Variants in PCDHA3 observed in about 807,000 individuals in gnomAD.
PCDHA3 encodes the protein protocadherin alpha-3.
A neutral mutation model predicts 62.2 loss-of-function variants in PCDHA3; 41 were observed. The observed-to-expected ratio is 0.66, with a 90% CI of 0.51 to 0.86. The LOEUF is 0.86. PCDHA3 is among the 40% of genes least tolerant of loss of function. The pLI, the probability that PCDHA3 is intolerant of heterozygous loss-of-function variation, is 0.00. For synonymous variants in PCDHA3, 640 were observed against 555.4 expected (o/e 1.15, Z -2.14); for missense variants, 1,304 against 1,241.2 (o/e 1.05, Z -0.76).
At chr5:140,805,900 T>C (rs1763649020) in intron 1 of PCDHA3, among the ~76,000 whole-genome samples, 1 of 152,206 alleles carries the variant, frequency 6.6e-6, no homozygotes, top group East Asian at 1.9e-4. Flanking sequence ...AAACATTTTC[T>C]GCAGGGTAAA....
chr5:140,996,262 C>G (rs943119390), intron 3 of PCDHA3, among the ~76,000 whole-genome samples: 1 of 152,182 alleles, frequency 6.6e-6, no homozygotes. Flanking sequence ...CAACACAGAG[C>G]CTGGGATTGC....
At chr5:140,843,577 A>T in intron 1 of PCDHA3, 1 of 1,595,954 alleles carries the variant, frequency 6.3e-7, no homozygotes. Context: ...CATACTCGCA[A>T]CAACAGCCGC....
At chr5:140,973,628 T>G (rs1005772685) in intron 1 of PCDHA3, among the ~76,000 whole-genome samples, 13 of 152,250 alleles carry the variant, frequency 8.5e-5, no homozygotes, top group Admixed American at 2.6e-4. Context: ...TTCTGTATCT[T>G]GTACACATTC....
At chr5:140,870,392 GT>G in intron 1 of PCDHA3, 1 of 1,614,254 alleles carries the variant, frequency 6.2e-7, no homozygotes, top group Middle Eastern at 1.6e-4. Flanking sequence ...CGGGATGGGG[GT>G]TCGCCTTCTC....
At chr5:140,968,947 C>T (rs1342316299) in intron 1 of PCDHA3, 6 of 1,614,042 alleles carry the variant, frequency 3.7e-6, no homozygotes, top group Non-Finnish European at 5.1e-6. Context: ...TCATTTTGAG[C>T]ATCATCAAGT....
intron 1 of PCDHA3, chr5:140,852,195 C>T (rs2150513188): frequency 8.5e-6 from 6 of 709,164 alleles, no homozygotes; most frequent in African/African-American, 1.9e-5. Flanking sequence ...ATGCCAGTAA[C>T]GTTTATTTAA....
chr5:140,928,280 C>A, intron 1 of PCDHA3: 1 of 1,614,194 alleles, frequency 6.2e-7, no homozygotes, highest in Non-Finnish European at 8.5e-7. Context: ...CCTGGGGCCT[C>A]TCTAGGCCGA....
intron 1 of PCDHA3, chr5:140,966,954 G>T (rs782541612): frequency 6.2e-7 from 1 of 1,601,606 alleles, no homozygotes; most frequent in Non-Finnish European, 8.5e-7. Flanking sequence ...AACGTGGCTC[G>T]CGCGCTGGGG....
chr5:140,868,449 C>T (rs1323009325), intron 1 of PCDHA3: 1 of 152,158 alleles, frequency 6.6e-6, no homozygotes, highest in Non-Finnish European at 1.5e-5. Context: ...GGAACATAAA[C>T]ACTAAAGAGC....
intron 1 of PCDHA3, chr5:140,857,524 T>G (rs251363): frequency 0.63 from 998,871 of 1,597,030 alleles, 345,157 homozygotes; most frequent in African/African-American, 0.69. Context: ...TGTCCTACTC[T>G]CTGGTGGAGC....
chr5:140,857,611 G>A (rs987659739), intron 1 of PCDHA3: 1 of 1,596,436 alleles, frequency 6.3e-7, no homozygotes, highest in Admixed American at 1.7e-5. Flanking sequence ...CGCTGCAGCC[G>A]CTGGACCACG....
At chr5:140,997,668 T>TTGTGTGTGTGTGTGTGTG (rs35184029) in intron 3 of PCDHA3, among the ~76,000 whole-genome samples, 77 of 148,344 alleles carry the variant, frequency 5.2e-4, no homozygotes, top group African/African-American at 1.8e-3. Context: ...ATTATACAGC[T>TTGTGTGTGTGTGTGTGTG]TGTGTGTGTG....
intron 1 of PCDHA3, chr5:140,857,507 G>A (rs782043318): frequency 1.3e-6 from 2 of 1,598,186 alleles, no homozygotes; most frequent in South Asian, 1.1e-5. Context: ...GCAGGAGAAC[G>A]CCCTGGTGTC....
intron 1 of PCDHA3, chr5:140,868,480 T>G (rs1562616906): frequency 6.6e-6 from 1 of 152,316 alleles, no homozygotes. Flanking sequence ...AAACTTCAAT[T>G]TTTTCTTTGA....
In PCDHA3 at chr5:140,851,118, T is replaced by C. The variant is rs1554145256; in HGVS notation, c.2394+47527T>C. Reference sequence around the variant, plus strand: ...TATTTTTTGGGTGCTGAATCAATTTTATTTAAATTTGTGATTAAAGTGACA... The same window carrying C: ...TATTTTTTGGGTGCTGAATCAATTTCATTTAAATTTGTGATTAAAGTGACA... On this transcript the variant is annotated intron_variant, in intron 1 of 3. Transcript: ENST00000522353. 5 of 1,307,406 alleles carry C rather than the reference T, an allele frequency of 3.8e-6. No individual in the cohort carries two copies. The East Asian group carries it at 1.3e-4, about 35-fold the overall frequency. The allele number at this position is 1,307,406 out of a possible 1,614,324, so 81.0% of individuals were successfully genotyped here.
At chr5:140,823,014 C>T (rs1767511912) in intron 1 of PCDHA3, 13 of 1,614,242 alleles carry the variant, frequency 8.1e-6, no homozygotes, top group Non-Finnish European at 1.1e-5. Context: ...GCGCCCTGGA[C>T]CGCGAGAGCG....
chr5:140,848,904 CAA>C, intron 1 of PCDHA3: 1 of 1,608,060 alleles, frequency 6.2e-7, no homozygotes. Flanking sequence ...CCCAGCGACA[CAA>C]AAGAATCTGT....
intron 1 of PCDHA3, among the ~76,000 whole-genome samples, chr5:140,899,419 A>G (rs1583341890): frequency 6.6e-6 from 1 of 152,318 alleles, no homozygotes; most frequent in Non-Finnish European, 1.5e-5. Flanking sequence ...GAATTTTGTC[A>G]AAGGTCTTTT....
At chr5:140,897,009 A>G (rs550757061) in intron 1 of PCDHA3, among the ~76,000 whole-genome samples, 6 of 152,292 alleles carry the variant, frequency 3.9e-5, no homozygotes, top group African/African-American at 9.6e-5. Context: ...ATTTTTAAAT[A>G]TACAACTAAA....
Sources: allele counts gnomAD v4.1 joint callset (sites outside exome capture counted in the v4.1 genomes callset), GRCh38; gene constraint gnomAD v4.1.1; transcripts MANE v1.5; gene names NCBI Gene and HGNC (gene_info 2026-07-23, HGNC 2026-07-21).